NBEA: variants seen among roughly 807,000 people sequenced by gnomAD.
NBEA encodes the protein neurobeachin, also known as lysosomal-trafficking regulator 2.
Under a neutral mutation model 343.4 loss-of-function variants are expected in NBEA, and 44 were observed. The observed-to-expected ratio is 0.13, with a 90% CI of 0.10 to 0.16. The LOEUF is 0.16. Ranked by LOEUF, NBEA falls within the 10% of genes least tolerant of loss-of-function variation. NBEA has a pLI of 1.00. For missense variants in NBEA, 2,555 were observed against 3,631.3 expected, an observed-to-expected ratio of 0.70 and a Z score of 7.62; for synonymous variants, 1,175 against 1,238.7, an observed-to-expected ratio of 0.95 and a Z score of 1.08.
chr13:35,569,343 A>G (rs1253181254), intron 45 of NBEA, among the ~76,000 whole-genome samples: 1 of 152,198 alleles, frequency 6.6e-6, no homozygotes, highest in African/African-American at 2.4e-5. Flanking sequence ...CATAAATTGA[A>G]TAGCCATTAC....
At chr13:35,246,341 T>G (rs534938653) in intron 34 of NBEA, among the ~76,000 whole-genome samples, 13 of 152,330 alleles carry the variant, frequency 8.5e-5, no homozygotes, top group African/African-American at 2.4e-4. Flanking sequence ...TGTGATTTTT[T>G]GGGGGATGTT....
intron 31 of NBEA, among the ~76,000 whole-genome samples, chr13:35,207,229 G>GA (rs944388548): frequency 1.6e-4 from 24 of 151,316 alleles, no homozygotes; most frequent in African/African-American, 5.6e-4. Context: ...CTTATTTGTG[G>GA]AAAAAAAAGT....
At chr13:35,424,043 A>T (rs976200039) in intron 38 of NBEA, among the ~76,000 whole-genome samples, 5 of 152,064 alleles carry the variant, frequency 3.3e-5, no homozygotes, top group South Asian at 2.1e-4. Flanking sequence ...GCTTAAGGAG[A>T]TTTTGGGCTG....
intron 35 of NBEA, among the ~76,000 whole-genome samples, chr13:35,303,353 A>G (rs1026048536): frequency 1.3e-5 from 2 of 152,156 alleles, no homozygotes; most frequent in Non-Finnish European, 2.9e-5. Context: ...GTTAATCACT[A>G]TTGACCCAGT....
rs77030937 is a variant in NBEA at position 35,068,312 on chromosome 13, A to C, written c.1240-1596A>C. On this transcript the variant is annotated intron_variant, in intron 8 of 58. Coordinates refer to ENST00000379939, the MANE Select transcript of NBEA (RefSeq NM_001385012.1). ...TTATTAGATATCTTACATTTCCACA[A>C]AATGATTTTAAATCTTTTAAGAGAA... Among the ~76,000 whole-genome samples, 932 of 152,264 alleles carry C rather than the reference A, an allele frequency of 6.1e-3. 12 individuals carry two copies. The highest frequency in any genetic ancestry group is 0.021 in the African/African-American group (892 of 41,564).
At chr13:34,955,067 G>A (rs1392612743) in intron 1 of NBEA, among the ~76,000 whole-genome samples, 1 of 152,106 alleles carries the variant, frequency 6.6e-6, no homozygotes, top group Non-Finnish European at 1.5e-5. Flanking sequence ...GAACCAGGTA[G>A]GTTAAGATTC....
intron 36 of NBEA, among the ~76,000 whole-genome samples, chr13:35,338,047 CA>C (rs879366884): frequency 1.4e-4 from 21 of 151,704 alleles, no homozygotes; most frequent in Admixed American, 1.4e-3. Flanking sequence ...TCCCCGCCCC[CA>C]ACAGGACAAA....
intron 24 of NBEA, chr13:35,165,210 G>A (rs1259383542): frequency 4.1e-6 from 2 of 487,074 alleles, no homozygotes; most frequent in East Asian, 1.2e-4. Context: ...TTTCCAAGTT[G>A]ATCTCTAAGT....
intron 34 of NBEA, among the ~76,000 whole-genome samples, chr13:35,289,639 G>T (rs1033491137): frequency 6.6e-6 from 1 of 151,774 alleles, no homozygotes; most frequent in African/African-American, 2.4e-5. Context: ...TGTAGAATGG[G>T]AATAATAATA....
chr13:35,150,541 G>C (rs1040939326), intron 18 of NBEA, among the ~76,000 whole-genome samples: 2 of 152,062 alleles, frequency 1.3e-5, no homozygotes, highest in South Asian at 2.1e-4. Context: ...AAAGGAAATC[G>C]CTTCCAGACT....
intron 17 of NBEA, among the ~76,000 whole-genome samples, chr13:35,132,323 A>G (rs2067474327): frequency 1.3e-5 from 2 of 152,120 alleles, no homozygotes; most frequent in South Asian, 4.2e-4. Context: ...ATGCCCAGCT[A>G]ATTTTTTTGT....
At chr13:35,667,336 C>G in intron 56 of NBEA, 38 bp from the exon 57 acceptor site, 2 of 1,572,830 alleles carry the variant, frequency 1.3e-6, no homozygotes, top group Non-Finnish European at 8.7e-7. Flanking sequence ...CGTTTGTCGT[C>G]CCCAACTGAC....
At chr13:35,285,708 CT>C (rs1316633014) in intron 34 of NBEA, among the ~76,000 whole-genome samples, 1 of 152,128 alleles carries the variant, frequency 6.6e-6, no homozygotes, top group Non-Finnish European at 1.5e-5. Flanking sequence ...TAACTAAACT[CT>C]TTAGTTACTA....
intron 36 of NBEA, among the ~76,000 whole-genome samples, chr13:35,314,970 T>G (rs2037622319): frequency 6.6e-6 from 1 of 152,192 alleles, no homozygotes; most frequent in South Asian, 2.1e-4. Flanking sequence ...AGCCCAAAAT[T>G]ACTATTACTC....
chr13:35,267,653 A>G (rs1188938994), intron 34 of NBEA, among the ~76,000 whole-genome samples: 1 of 151,682 alleles, frequency 6.6e-6, no homozygotes, highest in African/African-American at 2.4e-5. Flanking sequence ...CTAAAACTCA[A>G]CCACAAAAAA....
chr13:35,242,316 G>A (rs1460286366), intron 34 of NBEA, among the ~76,000 whole-genome samples: 1 of 151,836 alleles, frequency 6.6e-6, no homozygotes, highest in African/African-American at 2.4e-5. Context: ...TTAGACAGAA[G>A]AAAGAATCAG....
intron 43 of NBEA, among the ~76,000 whole-genome samples, chr13:35,554,663 G>A (rs1430694610): frequency 6.6e-6 from 1 of 152,170 alleles, no homozygotes; most frequent in Non-Finnish European, 1.5e-5. Flanking sequence ...CAGATTTGCT[G>A]TATTGTTTAA....
rs146135057 is a variant in NBEA, at chr13:35,479,949, G to T, written c.6585+7413G>T. ...TCAAGAATCTCATGATTTAATGATAGTTTGAAATGCTTATATTGAATGGTA... is the reference window on the plus strand; with the variant it reads ...TCAAGAATCTCATGATTTAATGATATTTTGAAATGCTTATATTGAATGGTA... On this transcript the variant is annotated intron_variant, in intron 41 of 58. Coordinates refer to ENST00000379939, the MANE Select transcript of NBEA (RefSeq NM_001385012.1). Among the ~76,000 whole-genome samples the T allele has an allele frequency of 2.3e-3, 352 of 151,018 alleles. 8 individuals carry two copies. In the South Asian group the frequency reaches 0.048, roughly 21 times the overall value.
intron 47 of NBEA, among the ~76,000 whole-genome samples, chr13:35,602,987 TC>T (rs1193992176): frequency 6.6e-6 from 1 of 152,220 alleles, no homozygotes; most frequent in Non-Finnish European, 1.5e-5. Context: ...AACTTTAAAA[TC>T]AACTTTTTCT....
Sources: allele counts gnomAD v4.1 joint callset (sites outside exome capture counted in the v4.1 genomes callset), GRCh38; gene constraint gnomAD v4.1.1; transcripts MANE v1.5; gene names NCBI Gene and HGNC (gene_info 2026-07-23, HGNC 2026-07-21).